The following AFAP1 variants were observed in gnomAD, a reference collection of about 807,000 sequenced individuals.
AFAP1 encodes actin filament-associated protein 1.
A neutral mutation model predicts 93.9 loss-of-function variants in AFAP1; 75 were observed. The ratio of observed to expected loss-of-function variants is 0.80; its 90% CI spans 0.66 to 0.97. The LOEUF (loss-of-function observed/expected upper bound fraction) is 0.97. Ranked by LOEUF, AFAP1 falls within the 50% of genes least tolerant of loss-of-function variation. The pLI is 0.00. For synonymous variants in AFAP1, 517 were observed against 430.7 expected (o/e 1.20, Z -2.48); for missense variants, 1,201 against 1,050.8 (o/e 1.14, Z -1.98).
chr4:7,769,264 G>T (rs903495368), intron 16 of AFAP1, among the ~76,000 whole-genome samples: 1 of 152,302 alleles, frequency 6.6e-6, no homozygotes, highest in African/African-American at 2.4e-5. Context: ...TGCCTGGGAA[G>T]CAGTGAGGGT....
At chr4:7,800,420 C>T (rs1718911197) in intron 10 of AFAP1, 22 bp downstream of exon 10, 1 of 1,612,198 alleles carries the variant, frequency 6.2e-7, no homozygotes, top group Non-Finnish European at 8.5e-7. Flanking sequence ...CTGTGGAGTA[C>T]AGCCCCTGGG....
At chr4:7,783,876 G>A (rs1386260171) in intron 12 of AFAP1, among the ~76,000 whole-genome samples, 1 of 152,222 alleles carries the variant, frequency 6.6e-6, no homozygotes, top group East Asian at 1.9e-4. Flanking sequence ...TCTTTGGGGG[G>A]GACGGGCTAG....
chr4:7,828,077 G>C (rs1027846767), intron 6 of AFAP1, among the ~76,000 whole-genome samples: 1 of 152,184 alleles, frequency 6.6e-6, no homozygotes, highest in African/African-American at 2.4e-5. Flanking sequence ...AAATGTGGGT[G>C]TCCACAGGAT....
chr4:7,862,129 T>TC (rs1715774682), intron 3 of AFAP1: 1 of 152,042 alleles, frequency 6.6e-6, no homozygotes, highest in African/African-American at 2.4e-5. Flanking sequence ...GCCCAGGAGT[T>TC]CAAGACTAGC....
chr4:7,803,701 C>T lies in AFAP1; in HGVS notation c.1055-3048G>A, dbSNP rs80249289. On this transcript the variant is annotated intron_variant, in intron 9 of 17. Coordinates refer to ENST00000420658, the MANE Select transcript of AFAP1 (RefSeq NM_001134647.2). ...ACCTGGTCCCGAAAAGGGACATGGACTCTCATGGTGTCTTCTTCCCTGACA... is the reference window on the plus strand; with the variant it reads ...ACCTGGTCCCGAAAAGGGACATGGATTCTCATGGTGTCTTCTTCCCTGACA... Among the ~76,000 whole-genome samples the T allele has an allele frequency of 5.2e-4, 79 of 152,356 alleles. No individual in the cohort carries two copies. The East Asian group carries it at 8.1e-3, about 16-fold the overall frequency.
chr4:7,769,474 C>T (rs737375), intron 16 of AFAP1, among the ~76,000 whole-genome samples: 36,064 of 152,122 alleles, frequency 0.24, 5,134 homozygotes, highest in East Asian at 0.69. Context: ...GCGCGGGGCT[C>T]GCTGGAGAAA....
intron 4 of AFAP1, among the ~76,000 whole-genome samples, chr4:7,848,803 A>G (rs1057178065): frequency 1.3e-5 from 2 of 152,214 alleles, no homozygotes; most frequent in African/African-American, 4.8e-5. Flanking sequence ...CTTCTTCACC[A>G]GAAACTAGTT....
Position 7,786,203 on chromosome 4 carries a change from G to A in AFAP1, c.1521C>T (p.Ile507=). 1 of 1,613,924 alleles carries A rather than the reference G, an allele frequency of 6.2e-7. No homozygotes were observed. The highest frequency in any genetic ancestry group is 8.5e-7 in the Non-Finnish European group (1 of 1,179,886). ...AAAAAAGGGCACTCACCGAGCCGTT[G>A]ATGCACGGGACATCGTCATAATGAA... ...TALHYDDVPC[I]NGSWEPEDGF... Residue 507 remains isoleucine, a synonymous_variant, in exon 12 of 18, where the codon ATC becomes ATT. Transcript: ENST00000420658.
chr4:7,776,071 C>T (rs1023482468), intron 14 of AFAP1: 9 of 152,134 alleles, frequency 5.9e-5, no homozygotes, highest in South Asian at 2.1e-4. Context: ...TAACAAAACT[C>T]GGATGGAGGA....
At chr4:7,874,244 C>A (rs924273401) in intron 1 of AFAP1, among the ~76,000 whole-genome samples, 1 of 152,056 alleles carries the variant, frequency 6.6e-6, no homozygotes, top group Non-Finnish European at 1.5e-5. Context: ...GTTAGGAAAC[C>A]GCCACTTGTC....
rs560874521 is a variant in AFAP1 at position 7,855,682 on chromosome 4, G to C, written c.226-108C>G. On this transcript the variant is annotated intron_variant, in intron 3 of 17. Transcript: ENST00000420658. ...AGTCTTTTCCTCTTTCCTTTGTAAAGTCTTCGGCAAAAGAGAACCTCATCC... is the reference window on the plus strand; with the variant it reads ...AGTCTTTTCCTCTTTCCTTTGTAAACTCTTCGGCAAAAGAGAACCTCATCC... The C allele has an allele frequency of 6.6e-6, 6 of 913,192 alleles. No homozygotes were observed. The East Asian group carries it at 1.5e-4, about 23-fold the overall frequency. The allele number at this position is 913,192 out of a possible 1,614,324, so 56.6% of individuals were successfully genotyped here. A position where few individuals can be genotyped will look rare whatever the true frequency, so the allele number is the denominator to read the frequency against.
chr4:7,808,338 G>A (rs182095720), intron 9 of AFAP1, among the ~76,000 whole-genome samples: 1 of 152,272 alleles, frequency 6.6e-6, no homozygotes, highest in East Asian at 1.9e-4. Flanking sequence ...GGCCCACTGA[G>A]GTTCCTATGA....
chr4:7,770,156 G>A (rs997082071), intron 16 of AFAP1, among the ~76,000 whole-genome samples: 7 of 152,248 alleles, frequency 4.6e-5, no homozygotes, highest in Non-Finnish European at 1.0e-4. Context: ...AAAGCACAGT[G>A]GACTGGGAGC....
intron 12 of AFAP1, among the ~76,000 whole-genome samples, chr4:7,782,582 T>TA (rs1716884724): frequency 6.6e-6 from 1 of 152,180 alleles, no homozygotes; most frequent in African/African-American, 2.4e-5. Context: ...ACATGGGTAT[T>TA]AAAGTATTAA....
intron 3 of AFAP1, among the ~76,000 whole-genome samples, chr4:7,857,882 A>G (rs1715255625): frequency 7.9e-6 from 1 of 126,136 alleles, no homozygotes; most frequent in Admixed American, 8.9e-5. Flanking sequence ...TTCTGAGCAG[A>G]CACTTTCAAA....
rs771568404 is a variant in AFAP1 at position 7,860,683 on chromosome 4, G to A, written c.226-5109C>T. On this transcript the variant is annotated intron_variant, in intron 3 of 17. Coordinates refer to ENST00000420658, the MANE Select transcript of AFAP1 (RefSeq NM_001134647.2). ...GGCACGGCCTGCTGACCTGGAAACTGTGGCACAACTGCACGGCATCCGTTG... is the reference window on the plus strand; with the variant it reads ...GGCACGGCCTGCTGACCTGGAAACTATGGCACAACTGCACGGCATCCGTTG... Among the ~76,000 whole-genome samples the A allele has an allele frequency of 3.3e-5, 5 of 152,280 alleles. No homozygotes were observed. The East Asian group carries it at 9.7e-4, about 29-fold the overall frequency.
intron 11 of AFAP1, 27 bp downstream of exon 11, chr4:7,793,654 G>A (rs1560161871): frequency 1.3e-6 from 2 of 1,488,502 alleles, no homozygotes; most frequent in Non-Finnish European, 9.1e-7. Context: ...GAACTGTGGT[G>A]CCATTTCACA....
At chr4:7,774,540 C>T (rs1282871700) in intron 15 of AFAP1, 199 bp downstream of exon 15, 19 of 788,068 alleles carry the variant, frequency 2.4e-5, no homozygotes, top group Middle Eastern at 3.8e-4. Flanking sequence ...GCCTGCACGC[C>T]GCATGTTTGA....
At chr4:7,928,626 T>A (rs1167919717) in intron 1 of AFAP1, among the ~76,000 whole-genome samples, 3 of 152,202 alleles carry the variant, frequency 2.0e-5, no homozygotes, top group Non-Finnish European at 4.4e-5. Context: ...GACCTCATGA[T>A]TCGCCCACCT....
Sources: allele counts gnomAD v4.1 joint callset (sites outside exome capture counted in the v4.1 genomes callset), GRCh38; gene constraint gnomAD v4.1.1; transcripts MANE v1.5; gene names NCBI Gene and HGNC (gene_info 2026-07-23, HGNC 2026-07-21).